The following SSC4D variants were observed in gnomAD, a reference collection of about 807,000 sequenced individuals.
The protein encoded by SSC4D is scavenger receptor cysteine rich family member with 4 domains.
A neutral mutation model predicts 63.4 loss-of-function variants in SSC4D; 57 were observed. The observed-to-expected ratio is 0.90, with a 90% confidence interval of 0.73 to 1.12. SSC4D has a LOEUF of 1.12. Among genes scored for constraint, SSC4D ranks in the 50% most tolerant of loss-of-function variants. The probability of loss-of-function intolerance (pLI) is 0.00; values close to 1 mark genes in which losing one functional copy is unlikely to be tolerated. For synonymous variants in SSC4D, 352 were observed against 345.4 expected, an observed-to-expected ratio of 1.02 and a Z score of -0.21; for missense variants, 791 against 806.4, an observed-to-expected ratio of 0.98 and a Z score of 0.23.
At position 76,390,142 on chromosome 7, in the gene SSC4D, G is replaced by T. The variant is rs772759527; in HGVS notation, c.1645C>A (p.Leu549Met). The change falls in exon 11 of 11, where the codon CTG becomes ATG. Residue 549 changes from leucine to methionine, a missense_variant. Physicochemically the swap from Leu to Met is conservative, Grantham distance 15 (BLOSUM62 2). Coordinates refer to ENST00000275560, the MANE Select transcript of SSC4D (RefSeq NM_080744.2). ...NVKCRGEESA[L>M]LLCSHIRWDA... ...CAGCGGATATGAGAGCAGAGCAGCA[G>T]AGCACTTTCTTCCCCACGGCACTTG... 1.2e-6 allele frequency: 2 copies of T among 1,614,146 alleles called. No individual in the cohort carries two copies. Among genetic ancestry groups the T allele is most frequent in the African/African-American group, 2.7e-5 (2 of 74,960 alleles).
chr7:76,397,483 G>A (rs1256108773), intron 6 of SSC4D, 35 bp downstream of exon 6: 1 of 1,449,006 alleles, frequency 6.9e-7, no homozygotes, highest in Middle Eastern at 2.5e-4. Flanking sequence ...CCGCCCACCT[G>A]CCCCGGCCCC....
At chr7:76,398,351 C>T (rs1268223419) in intron 5 of SSC4D, among the ~76,000 whole-genome samples, 1 of 150,846 alleles carries the variant, frequency 6.6e-6, no homozygotes, top group Non-Finnish European at 1.5e-5. Flanking sequence ...ACTGTGTCCC[C>T]CAGGCTAGAG....
intron 5 of SSC4D, 36 bp from the exon 6 acceptor site, chr7:76,397,868 A>G (rs1192241318): frequency 4.0e-6 from 6 of 1,485,620 alleles, no homozygotes; most frequent in Admixed American, 4.6e-5. Context: ...CGCATCTCCC[A>G]CTGGCCTCTG....
intron 6 of SSC4D, among the ~76,000 whole-genome samples, chr7:76,396,274 C>G (rs1804637654): frequency 6.6e-6 from 1 of 152,186 alleles, no homozygotes; most frequent in African/African-American, 2.4e-5. Context: ...TGAGATACGC[C>G]CACTCGTATG....
At chr7:76,394,836 T>TTATATATAAGATGTATATAA in intron 7 of SSC4D, among the ~76,000 whole-genome samples, 1 of 144,488 alleles carries the variant, frequency 6.9e-6, no homozygotes, top group African/African-American at 2.6e-5. Context: ...ATGATATATA[T>TTATATATAAGATGTATATAA]TATATATAAG....
At chr7:76,390,483 C>A in intron 10 of SSC4D, 108 bp from the exon 11 acceptor site, 1 of 983,654 alleles carries the variant, frequency 1.0e-6, no homozygotes, top group Non-Finnish European at 1.5e-6. Flanking sequence ...GAGCACTGCC[C>A]TAGGAGCCGC....
At chr7:76,390,449 G>T in intron 10 of SSC4D, 74 bp from the exon 11 acceptor site, 1 of 1,394,488 alleles carries the variant, frequency 7.2e-7, no homozygotes, top group Non-Finnish European at 9.6e-7. Context: ...CAGGTTGGCA[G>T]TAAAGAGAGG....
Position 76,391,905 on chromosome 7 carries a change from A to T in SSC4D, c.1411+59T>A, listed in dbSNP as rs888914559. 5.9e-6 allele frequency: 9 copies of T among 1,518,962 alleles called. No individual in the cohort carries two copies. The Admixed American group carries it at 1.8e-4, about 30-fold the overall frequency. The allele number at this position is 1,518,962 out of a possible 1,614,324, so 94.1% of individuals were successfully genotyped here. A position where few individuals can be genotyped will look rare whatever the true frequency, so the allele number is the denominator to read the frequency against. On this transcript the variant is annotated intron_variant, in intron 10 of 10. Transcript: ENST00000275560. The stretch of plus-strand genomic sequence containing the variant: ...ATAACCTAGGCTGTGACCTCCCCCA[A>T]TCCAGGTCCTTAAGACCCCGATGCC...
At chr7:76,409,297 C>CCT (rs148221845) in intron 1 of SSC4D, 117 bp downstream of exon 1, 8,642 of 132,228 alleles carry the variant, frequency 0.065, 298 homozygotes, top group Non-Finnish European at 0.087. Context: ...GAAATGGTTG[C>CCT]CTCTCTCTCT....
At chr7:76,398,568 G>T in intron 5 of SSC4D, 152 bp downstream of exon 5, 1 of 830,376 alleles carries the variant, frequency 1.2e-6, no homozygotes, top group African/African-American at 1.7e-5. Context: ...GCCTCCCAAA[G>T]TGCTGGGATT....
intron 1 of SSC4D, among the ~76,000 whole-genome samples, chr7:76,405,319 AT>A (rs1563687040): frequency 3.8e-4 from 7 of 18,310 alleles, no homozygotes; most frequent in African/African-American, 1.9e-3. Flanking sequence ...ATATATATGT[AT>A]TTTTTTCTTT....
At chr7:76,397,949 T>G in intron 5 of SSC4D, 117 bp from the exon 6 acceptor site, 1 of 1,063,546 alleles carries the variant, frequency 9.4e-7, no homozygotes, top group Non-Finnish European at 1.3e-6. Context: ...CTCACCCCGC[T>G]GCCCAGGGTA....
chr7:76,403,605 G>C (rs1804899862), intron 2 of SSC4D, among the ~76,000 whole-genome samples: 1 of 150,902 alleles, frequency 6.6e-6, no homozygotes, highest in South Asian at 2.1e-4. Context: ...CAAAGTGCTG[G>C]GATTACAGGC....
intron 10 of SSC4D, among the ~76,000 whole-genome samples, chr7:76,391,668 T>C (rs571842673): frequency 6.6e-6 from 1 of 152,128 alleles, no homozygotes; most frequent in African/African-American, 2.4e-5. Context: ...TGCACCCCCC[T>C]GGGCTCCCAG....
chr7:76,389,946 G>A lies in SSC4D; in HGVS notation c.*113C>T. On this transcript the variant is annotated 3_prime_UTR_variant, in exon 11 of 11. Transcript: ENST00000275560. Reference sequence around the variant, plus strand: ...ACTGTCTAGGTAGGCTCTCTCCCAGGCAAGGGAAGGAGGGGCAAAGTGAAC... The same window carrying A: ...ACTGTCTAGGTAGGCTCTCTCCCAGACAAGGGAAGGAGGGGCAAAGTGAAC... 7.1e-7 allele frequency: 1 copy of A among 1,410,296 alleles called. No individual in the cohort carries two copies. The highest frequency in any genetic ancestry group is 9.8e-7 in the Non-Finnish European group (1 of 1,019,716). 87.4% of individuals were successfully genotyped at this position (1,410,296 alleles called of 1,614,324 possible). A position where few individuals can be genotyped will look rare whatever the true frequency, so the allele number is the denominator to read the frequency against.
At position 76,397,626 on chromosome 7, in the gene SSC4D, C is replaced by A; in HGVS notation, c.760G>T (p.Asp254Tyr). The A allele has an allele frequency of 6.2e-7, 1 of 1,613,480 alleles. No individual in the cohort carries two copies. Among genetic ancestry groups the A allele is most frequent in the Non-Finnish European group, 8.5e-7 (1 of 1,179,788 alleles). ...TCGCCGCCTTCGCAGTGCACGTTGT[C>A]CAGCAGGATGTGTCCGGTGCCATAG... ...FGYGTGHILL[D>Y]NVHCEGGEPR... is the part of the protein sequence containing the mutation. The change falls in exon 6 of 11, where the codon GAC becomes TAC. Residue 254 changes from aspartate (D) to tyrosine (Y), a missense_variant. Coordinates refer to ENST00000275560, the MANE Select transcript of SSC4D (RefSeq NM_080744.2).
chr7:76,390,204 A>G lies in SSC4D; in HGVS notation c.1583T>C (p.Phe528Ser). ...GAGAATGGGGCCTCGGCCTGGGCCAAAGTGAGCCTCGCCAGGGGCTGCGAG... is the reference window on the plus strand; with the variant it reads ...GAGAATGGGGCCTCGGCCTGGGCCAGAGTGAGCCTCGCCAGGGGCTGCGAG... ...QALAAPGEAH[F>S]GPGRGPILLD... is the part of the protein sequence containing the mutation. Residue 528 changes from phenylalanine to serine, a missense_variant, in exon 11 of 11, where the codon TTT becomes TCT. By Grantham distance (155) the Phe-to-Ser change is radical. Transcript: ENST00000275560. 1 of 1,614,202 alleles carries G rather than the reference A, an allele frequency of 6.2e-7. No individual in the cohort carries two copies. Among genetic ancestry groups the G allele is most frequent in the Non-Finnish European group, 8.5e-7 (1 of 1,180,026 alleles).
chr7:76,390,477 A>C (rs976150842), intron 10 of SSC4D, 102 bp from the exon 11 acceptor site: 14 of 1,115,968 alleles, frequency 1.3e-5, no homozygotes, highest in South Asian at 1.1e-4. Context: ...CACTCTGAGC[A>C]CTGCCCTAGG....
At position 76,397,700 on chromosome 7, in the gene SSC4D, T is replaced by G; in HGVS notation, c.686A>C (p.Gln229Pro). Reference protein sequence around the residue: ...GLPDAAVVCRQLGCGAAMAAT... With the variant: ...GLPDAAVVCRPLGCGAAMAAT... ...GGCCATGGCCGCCCCGCAGCCCAGCTGACGACAGACCACAGCGGCATCCGG... is the reference window on the plus strand; with the variant it reads ...GGCCATGGCCGCCCCGCAGCCCAGCGGACGACAGACCACAGCGGCATCCGG... Residue 229 changes from glutamine (Q) to proline (P), a missense_variant, in exon 6 of 11, where the codon CAG (glutamine) becomes CCG (proline). Transcript: ENST00000275560. The G allele has an allele frequency of 6.2e-7, 1 of 1,613,466 alleles. No homozygotes were observed. The highest frequency in any genetic ancestry group is 8.5e-7 in the Non-Finnish European group (1 of 1,179,856).
Sources: gnomAD v4.1 joint callset for allele counts (sites outside exome capture counted in the v4.1 genomes callset) on GRCh38, gnomAD v4.1.1 for gene constraint, MANE v1.5 for transcripts, NCBI Gene and HGNC (gene_info 2026-07-23, HGNC 2026-07-21) for gene names.